PSMD14: variants seen among roughly 807,000 people sequenced by gnomAD.
PSMD14 encodes the protein ubiquitin C-terminal hydrolase PSMD14.
PSMD14 carries 7 observed loss-of-function variants against 41.2 expected under a neutral mutation model. That is an observed-to-expected ratio of 0.17 (90% CI 0.10 to 0.32). The LOEUF is 0.32. Ranked by LOEUF, PSMD14 falls within the 10% of genes least tolerant of loss-of-function variation. PSMD14 has a pLI of 1.00. For synonymous variants in PSMD14, 114 were observed against 122.3 expected, an observed-to-expected ratio of 0.93 and a Z score of 0.45; for missense variants, 139 against 375.6, an observed-to-expected ratio of 0.37 and a Z score of 5.21.
intron 1 of PSMD14, among the ~76,000 whole-genome samples, chr2:161,309,235 G>T (rs1432383071): frequency 6.6e-6 from 1 of 152,082 alleles, no homozygotes; most frequent in Non-Finnish European, 1.5e-5. Context: ...ATCTGCTACC[G>T]TATGTTACAT....
intron 9 of PSMD14, among the ~76,000 whole-genome samples, chr2:161,393,626 G>T (rs1011795739): frequency 6.6e-6 from 1 of 152,102 alleles, no homozygotes; most frequent in Non-Finnish European, 1.5e-5. Context: ...TACATCTTCA[G>T]ATTCTTATGG....
chr2:161,401,965 G>A (rs746984938), intron 10 of PSMD14, among the ~76,000 whole-genome samples: 15 of 152,148 alleles, frequency 9.9e-5, no homozygotes, highest in Non-Finnish European at 2.1e-4. Context: ...TCTAAAATGA[G>A]GTTAAGGATT....
chr2:161,377,257 G>T (rs1304858905), intron 7 of PSMD14, among the ~76,000 whole-genome samples: 2 of 151,890 alleles, frequency 1.3e-5, no homozygotes, highest in Non-Finnish European at 2.9e-5. Flanking sequence ...TTTCCAGGTG[G>T]AAAGAGAAAA....
chr2:161,385,196 A>G (rs938422838), intron 7 of PSMD14: 9 of 228,682 alleles, frequency 3.9e-5, no homozygotes, highest in Non-Finnish European at 7.6e-5. Context: ...TAGTAATGAC[A>G]TATTTCAATA....
chr2:161,363,995 G>A (rs1047057183), intron 3 of PSMD14, among the ~76,000 whole-genome samples: 7 of 152,254 alleles, frequency 4.6e-5, no homozygotes, highest in East Asian at 1.9e-4. Flanking sequence ...GGGGGTTCTT[G>A]CCTTGGTGTA....
chr2:161,392,165 T>G (rs1290254062), intron 9 of PSMD14, among the ~76,000 whole-genome samples: 2 of 152,190 alleles, frequency 1.3e-5, no homozygotes, highest in Non-Finnish European at 2.9e-5. Flanking sequence ...GATATTACAA[T>G]CTGAACCAGT....
intron 7 of PSMD14, among the ~76,000 whole-genome samples, chr2:161,378,130 A>G (rs1045052057): frequency 6.6e-6 from 1 of 151,982 alleles, no homozygotes; most frequent in Non-Finnish European, 1.5e-5. Context: ...GTAATTTTCT[A>G]AAGAGGGTAA....
intron 7 of PSMD14, chr2:161,383,611 A>G (rs1427867291): frequency 6.6e-6 from 1 of 151,640 alleles, no homozygotes; most frequent in Non-Finnish European, 1.5e-5. Context: ...AGTATAAAAA[A>G]GTATATAGGA....
At chr2:161,400,455 C>G (rs1038944089) in intron 10 of PSMD14, among the ~76,000 whole-genome samples, 3 of 152,088 alleles carry the variant, frequency 2.0e-5, no homozygotes, top group Admixed American at 2.0e-4. Flanking sequence ...CTGTATAGGG[C>G]CACTTATACA....
intron 7 of PSMD14, among the ~76,000 whole-genome samples, chr2:161,380,089 A>G (rs1232851590): frequency 1.3e-5 from 2 of 152,054 alleles, no homozygotes; most frequent in African/African-American, 4.8e-5. Context: ...TGAAAACTAC[A>G]GTGGCAGAAA....
intron 3 of PSMD14, among the ~76,000 whole-genome samples, chr2:161,349,657 GTGTTTGAA>G (rs1289674365): frequency 6.6e-6 from 1 of 152,202 alleles, no homozygotes; most frequent in Non-Finnish European, 1.5e-5. Flanking sequence ...CCCTTACAGA[GTGTTTGAA>G]TTAATGGAGA....
intron 10 of PSMD14, among the ~76,000 whole-genome samples, chr2:161,400,537 A>C (rs561502363): frequency 6.6e-6 from 1 of 152,296 alleles, no homozygotes; most frequent in East Asian, 1.9e-4. Flanking sequence ...CTCAAACTGC[A>C]TAGCCCAGAA....
At chr2:161,394,944 G>T in intron 9 of PSMD14, 134 bp from the exon 10 acceptor site, 1 of 753,306 alleles carries the variant, frequency 1.3e-6, no homozygotes, top group African/African-American at 1.8e-5. Context: ...CATTCTAATT[G>T]GAGTTCATTT....
chr2:161,337,014 G>A (rs1682881282), intron 3 of PSMD14, among the ~76,000 whole-genome samples: 1 of 152,034 alleles, frequency 6.6e-6, no homozygotes, highest in Non-Finnish European at 1.5e-5. Context: ...ATTTACTTTG[G>A]AAGTAACTTA....
At chr2:161,379,179 T>C (rs534895773) in intron 7 of PSMD14, among the ~76,000 whole-genome samples, 5 of 152,092 alleles carry the variant, frequency 3.3e-5, no homozygotes, top group African/African-American at 1.2e-4. Context: ...TAGAAAGGGA[T>C]CTGAAGTCAC....
At chr2:161,344,518 A>G (rs968519290) in intron 3 of PSMD14, among the ~76,000 whole-genome samples, 2 of 152,260 alleles carry the variant, frequency 1.3e-5, no homozygotes, top group African/African-American at 2.4e-5. Context: ...TATTCAGTCC[A>G]TAATAAAAAT....
chr2:161,370,079 T>A (rs1487198096), intron 5 of PSMD14, 28 bp from the exon 6 acceptor site: 7 of 1,494,638 alleles, frequency 4.7e-6, no homozygotes, highest in African/African-American at 1.4e-5. Flanking sequence ...TTACAAAAAT[T>A]AATAATTTTT....
chr2:161,352,115 A>G (rs932360161), intron 3 of PSMD14, among the ~76,000 whole-genome samples: 1 of 152,226 alleles, frequency 6.6e-6, no homozygotes, highest in Non-Finnish European at 1.5e-5. Context: ...TGAAATTCCT[A>G]GACAACTGGC....
chr2:161,363,885 A>T (rs954201540), intron 3 of PSMD14, among the ~76,000 whole-genome samples: 1 of 152,136 alleles, frequency 6.6e-6, no homozygotes, highest in Non-Finnish European at 1.5e-5. Context: ...GGTGTGTGTT[A>T]TAGGGTGCTC....
Sources: allele counts gnomAD v4.1 joint callset (sites outside exome capture counted in the v4.1 genomes callset), GRCh38; gene constraint gnomAD v4.1.1; transcripts MANE v1.5; gene names NCBI Gene and HGNC (gene_info 2026-07-23, HGNC 2026-07-21).